Variants in MBOAT1 observed in about 807,000 individuals in gnomAD.
The protein encoded by MBOAT1 is membrane bound glycerophospholipid O-acyltransferase 1.
MBOAT1 carries 67 observed loss-of-function variants against 64.4 expected under a neutral mutation model. That is an observed-to-expected ratio of 1.04 (90% CI 0.85 to 1.27). The LOEUF (loss-of-function observed/expected upper bound fraction) is 1.27, where lower values mean the gene tolerates loss of function less well. MBOAT1 is among the 50% of genes most tolerant of loss of function. The pLI is 0.00. For synonymous variants in MBOAT1, 229 were observed against 218.9 expected, an observed-to-expected ratio of 1.05 and a Z score of -0.41; for missense variants, 563 against 604.6, an observed-to-expected ratio of 0.93 and a Z score of 0.72.
At chr6:20,205,120 G>A (rs1763225612) in intron 1 of MBOAT1, among the ~76,000 whole-genome samples, 1 of 152,070 alleles carries the variant, frequency 6.6e-6, no homozygotes, top group Admixed American at 6.6e-5. Context: ...GATTGCTTGA[G>A]CTCAAGAGTT....
intron 1 of MBOAT1, among the ~76,000 whole-genome samples, chr6:20,189,912 T>C (rs187572835): frequency 2.2e-4 from 34 of 152,376 alleles, no homozygotes; most frequent in Admixed American, 1.4e-3. Flanking sequence ...GTATTACATT[T>C]CCTTCATTTA....
At chr6:20,118,826 A>T (rs1760411321) in intron 8 of MBOAT1, among the ~76,000 whole-genome samples, 1 of 152,232 alleles carries the variant, frequency 6.6e-6, no homozygotes, top group Non-Finnish European at 1.5e-5. Flanking sequence ...ATGAGAATAA[A>T]CAAGAAACGA....
At chr6:20,124,382 A>G in intron 8 of MBOAT1, 26 bp downstream of exon 8, 2 of 1,592,940 alleles carry the variant, frequency 1.3e-6, no homozygotes, top group Non-Finnish European at 1.7e-6. Flanking sequence ...TCCCTCATTC[A>G]GTTACAGCTA....
chr6:20,171,876 T>A, intron 1 of MBOAT1, among the ~76,000 whole-genome samples: 1 of 149,096 alleles, frequency 6.7e-6, no homozygotes, highest in African/African-American at 2.5e-5. Flanking sequence ...TCTACAAAAA[T>A]TAAAATAATT....
intron 1 of MBOAT1, among the ~76,000 whole-genome samples, chr6:20,197,770 A>G (rs1222458936): frequency 5.9e-5 from 9 of 152,146 alleles, no homozygotes; most frequent in Non-Finnish European, 1.3e-4. Context: ...TGTCGTCAGG[A>G]CCCCCTGAGG....
At chr6:20,141,700 T>C (rs1761181699) in intron 4 of MBOAT1, among the ~76,000 whole-genome samples, 1 of 152,070 alleles carries the variant, frequency 6.6e-6, no homozygotes, top group African/African-American at 2.4e-5. Context: ...AACCTCATTC[T>C]GATGAGTGTA....
At chr6:20,203,295 CAA>C (rs199842098) in intron 1 of MBOAT1, among the ~76,000 whole-genome samples, 1 of 139,322 alleles carries the variant, frequency 7.2e-6, no homozygotes, top group African/African-American at 2.6e-5. Context: ...ACAACTGGGC[CAA>C]AAAAAAAAAG....
At chr6:20,205,699 A>G (rs1264130527) in intron 1 of MBOAT1, among the ~76,000 whole-genome samples, 3 of 151,958 alleles carry the variant, frequency 2.0e-5, no homozygotes, top group African/African-American at 7.3e-5. Flanking sequence ...GGGGGTTTAT[A>G]CCTCACCATC....
intron 1 of MBOAT1, among the ~76,000 whole-genome samples, chr6:20,178,519 A>G (rs1762418868): frequency 6.6e-6 from 1 of 152,252 alleles, no homozygotes; most frequent in African/African-American, 2.4e-5. Flanking sequence ...TTTAGAGCAC[A>G]GGATAAGGTT....
chr6:20,120,374 T>C (rs934179167), intron 8 of MBOAT1, among the ~76,000 whole-genome samples: 2 of 152,132 alleles, frequency 1.3e-5, no homozygotes, highest in African/African-American at 4.8e-5. Context: ...ATTATGCTAT[T>C]AAGGGGACTG....
At chr6:20,156,494 A>C (rs1235678533) in intron 1 of MBOAT1, among the ~76,000 whole-genome samples, 1 of 152,200 alleles carries the variant, frequency 6.6e-6, no homozygotes, top group Non-Finnish European at 1.5e-5. Flanking sequence ...AAGTAGAAAC[A>C]CACAACACCA....
Position 20,212,280 on chromosome 6 carries a change from C to G in MBOAT1, c.-46G>C. ...CTGCCCCTGTCCCAGCCCGCAACAC[C>G]CCCTGCTCGGCGTCCTCCCGCCCGG... On this transcript the variant is annotated 5_prime_UTR_variant, in exon 1 of 13. Coordinates refer to ENST00000324607, the MANE Select transcript of MBOAT1 (RefSeq NM_001080480.3). 1.3e-6 allele frequency: 2 copies of G among 1,557,346 alleles called. No individual in the cohort carries two copies. The highest frequency in any genetic ancestry group is 2.3e-4 in the Middle Eastern group (1 of 4,384).
At chr6:20,126,732 CT>C (rs1415564310) in intron 6 of MBOAT1, 32 bp from the exon 7 acceptor site, 1 of 1,522,046 alleles carries the variant, frequency 6.6e-7, no homozygotes, top group African/African-American at 1.4e-5. Flanking sequence ...ATTGAAAAGT[CT>C]TCAGTCTTTG....
chr6:20,108,106 C>T (rs1049477769), intron 12 of MBOAT1, among the ~76,000 whole-genome samples: 1 of 152,116 alleles, frequency 6.6e-6, no homozygotes, highest in African/African-American at 2.4e-5. Flanking sequence ...GAAGGGGGCT[C>T]CTGTTTGAGG....
chr6:20,131,488 T>C (rs1760827348), intron 4 of MBOAT1, among the ~76,000 whole-genome samples: 1 of 152,192 alleles, frequency 6.6e-6, no homozygotes, highest in African/African-American at 2.4e-5. Flanking sequence ...TGTTTGCTTC[T>C]CCTTCCGCCA....
chr6:20,163,162 A>T (rs1761912853), intron 1 of MBOAT1, among the ~76,000 whole-genome samples: 1 of 152,164 alleles, frequency 6.6e-6, no homozygotes, highest in South Asian at 2.1e-4. Context: ...GGTGATATCT[A>T]CGTATTTCAG....
intron 4 of MBOAT1, among the ~76,000 whole-genome samples, chr6:20,134,515 G>C (rs1321101863): frequency 6.6e-6 from 1 of 151,920 alleles, no homozygotes; most frequent in Non-Finnish European, 1.5e-5. Flanking sequence ...TAAATAAAAA[G>C]AAACAATTCA....
In MBOAT1 at chr6:20,212,353, G is replaced by A. The variant is rs1017362661; in HGVS notation, c.-119C>T. On this transcript the variant is annotated 5_prime_UTR_variant, in exon 1 of 13. Transcript: ENST00000324607. The stretch of plus-strand genomic sequence containing the variant: ...AGAGGCGCACGGCCGCCTGGTTCGC[G>A]GGGGAGCGAACGGGAGGCCGGGGAA... The A allele has an allele frequency of 5.7e-6, 5 of 880,666 alleles. No individual in the cohort carries two copies. In the East Asian group the frequency reaches 8.2e-5, roughly 14 times the overall value. The allele number at this position is 880,666 out of a possible 1,614,324, so 54.6% of individuals were successfully genotyped here. A position where few individuals can be genotyped will look rare whatever the true frequency, so the allele number is the denominator to read the frequency against.
At chr6:20,154,397 G>A (rs1469254241) in intron 1 of MBOAT1, among the ~76,000 whole-genome samples, 1 of 152,102 alleles carries the variant, frequency 6.6e-6, no homozygotes, top group East Asian at 1.9e-4. Flanking sequence ...GCTGAGCTTG[G>A]TGGCGGGTGC....
Sources: allele counts gnomAD v4.1 joint callset (sites outside exome capture counted in the v4.1 genomes callset), GRCh38; gene constraint gnomAD v4.1.1; transcripts MANE v1.5; gene names NCBI Gene and HGNC (gene_info 2026-07-23, HGNC 2026-07-21).